The following TRPM3 variants were observed in gnomAD, a reference collection of about 807,000 sequenced individuals.
TRPM3 encodes the protein long transient receptor potential channel 3.
Under a neutral mutation model 181.2 loss-of-function variants are expected in TRPM3, and 77 were observed. That is an observed-to-expected ratio of 0.42 (90% CI 0.35 to 0.51). The LOEUF is 0.51. Among genes scored for constraint, TRPM3 ranks in the 20% least tolerant of loss-of-function variants. The probability of loss-of-function intolerance (pLI) is 0.01; values close to 1 mark genes in which losing one functional copy is unlikely to be tolerated. For missense variants in TRPM3, 1,759 were observed against 2,196.7 expected (o/e 0.80, Z 3.98); for synonymous variants, 745 against 796.4 (o/e 0.94, Z 1.09).
At chr9:71,191,344 C>T (rs1436738703) in intron 1 of TRPM3, among the ~76,000 whole-genome samples, 1 of 151,802 alleles carries the variant, frequency 6.6e-6, no homozygotes, top group African/African-American at 2.4e-5. Flanking sequence ...AAGACAAACG[C>T]TGCCCACCCT....
chr9:70,772,183 A>T (rs185847642), intron 7 of TRPM3, among the ~76,000 whole-genome samples: 21 of 152,230 alleles, frequency 1.4e-4, no homozygotes, highest in Admixed American at 1.2e-3. Flanking sequence ...GCTGTTACTC[A>T]CATGTGGCTA....
At chr9:71,174,986 CCA>C (rs1176908599) in intron 1 of TRPM3, among the ~76,000 whole-genome samples, 1 of 152,014 alleles carries the variant, frequency 6.6e-6, no homozygotes, top group Non-Finnish European at 1.5e-5. Context: ...GAGGGCCTTC[CCA>C]CAGTTATAAG....
intron 12 of TRPM3, among the ~76,000 whole-genome samples, chr9:70,629,492 T>C (rs2065400706): frequency 6.6e-6 from 1 of 152,068 alleles, no homozygotes. Context: ...TGTGCCATCA[T>C]GCCAGCTAAT....
At chr9:70,840,288 G>A (rs538214404) in intron 5 of TRPM3, among the ~76,000 whole-genome samples, 30 of 152,060 alleles carry the variant, frequency 2.0e-4, no homozygotes, top group Non-Finnish European at 3.5e-4. Flanking sequence ...GTAACAGAGT[G>A]GTCAAAATTC....
chr9:70,834,543 T>C (rs1001976023), intron 5 of TRPM3, among the ~76,000 whole-genome samples: 2 of 152,192 alleles, frequency 1.3e-5, no homozygotes, highest in African/African-American at 4.8e-5. Context: ...TTCTAAGGGA[T>C]AGAATAAAAC....
chr9:71,094,209 A>AT (rs2066723421), intron 1 of TRPM3, among the ~76,000 whole-genome samples: 1 of 152,114 alleles, frequency 6.6e-6, no homozygotes, highest in Non-Finnish European at 1.5e-5. Flanking sequence ...GTATACCTGT[A>AT]TAACAAACCT....
rs573676029 is a variant in TRPM3, at chr9:71,053,802, G to A, written c.177+67376C>T. ...GGATGCAATGACTGAGATTTTTCTC[G>A]AAGTTACTCTAAAGGCTAGCAGCAT... On this transcript the variant is annotated intron_variant, in intron 1 of 25. Coordinates refer to ENST00000677713, the MANE Select transcript of TRPM3 (RefSeq NM_001366145.2). 1.2e-4 allele frequency among the ~76,000 whole-genome samples: 19 copies of A among 152,088 alleles called. No homozygotes were observed. In the South Asian group the frequency reaches 1.5e-3, roughly 12 times the overall value.
At chr9:70,919,804 T>C (rs1415668895) in intron 1 of TRPM3, among the ~76,000 whole-genome samples, 2 of 151,750 alleles carry the variant, frequency 1.3e-5, no homozygotes, top group Admixed American at 6.6e-5. Context: ...AAAAAAATCT[T>C]CCATCCCACC....
chr9:71,234,019 T>C (rs2081223399), intron 1 of TRPM3, among the ~76,000 whole-genome samples: 1 of 152,216 alleles, frequency 6.6e-6, no homozygotes, highest in Admixed American at 6.5e-5. Context: ...TATTTAACAA[T>C]CCCTATGGGC....
intron 22 of TRPM3, among the ~76,000 whole-genome samples, chr9:70,570,381 G>A (rs567179192): frequency 1.2e-4 from 17 of 143,454 alleles, no homozygotes; most frequent in South Asian, 1.2e-3. Flanking sequence ...CGATCTCAGC[G>A]GACTGCAACC....
chr9:70,922,276 A>G (rs1360277734), intron 1 of TRPM3, among the ~76,000 whole-genome samples: 3 of 152,118 alleles, frequency 2.0e-5, no homozygotes, highest in Admixed American at 6.5e-5. Flanking sequence ...ACTCTGAACA[A>G]TATCACCCCT....
At chr9:71,162,199 C>CAAA (rs35947110) in intron 1 of TRPM3, among the ~76,000 whole-genome samples, 137 of 72,530 alleles carry the variant, frequency 1.9e-3, no homozygotes, top group East Asian at 3.0e-3. Context: ...GACTCTGTCT[C>CAAA]AAAAAAAAAA....
intron 1 of TRPM3, among the ~76,000 whole-genome samples, chr9:71,250,550 T>C (rs1244315824): frequency 6.6e-6 from 1 of 152,200 alleles, no homozygotes; most frequent in Non-Finnish European, 1.5e-5. Context: ...TTGAAATCTA[T>C]GTACTGAGTA....
At chr9:71,121,006 G>A (rs2073527537) in intron 1 of TRPM3, among the ~76,000 whole-genome samples, 172 bp downstream of exon 1, 1 of 151,862 alleles carries the variant, frequency 6.6e-6, no homozygotes, top group South Asian at 2.1e-4. Flanking sequence ...GTGGGTGGGG[G>A]GCGTGGGGGG....
At chr9:70,792,661 C>CAG (rs9314786) in intron 6 of TRPM3, among the ~76,000 whole-genome samples, 71,077 of 146,760 alleles carry the variant, frequency 0.48, 16,851 homozygotes, top group East Asian at 0.57. Flanking sequence ...GACAGAAAGA[C>CAG]AGAGAGAGAG....
At chr9:71,330,688 T>C (rs2090044816) in intron 1 of TRPM3, among the ~76,000 whole-genome samples, 1 of 151,880 alleles carries the variant, frequency 6.6e-6, no homozygotes, top group Non-Finnish European at 1.5e-5. Context: ...TGTGAATTAG[T>C]GTTTAACACT....
At chr9:70,678,269 CTTTCT>C (rs1349451494) in intron 9 of TRPM3, among the ~76,000 whole-genome samples, 2 of 152,048 alleles carry the variant, frequency 1.3e-5, no homozygotes, top group Non-Finnish European at 2.9e-5. Context: ...TCTTCTTTTT[CTTTCT>C]TTTCTTTTTT....
intron 1 of TRPM3, among the ~76,000 whole-genome samples, chr9:70,943,867 T>C (rs2096908428): frequency 6.6e-6 from 1 of 152,102 alleles, no homozygotes; most frequent in Non-Finnish European, 1.5e-5. Context: ...GCAATCTCCG[T>C]CTCCCAGGTT....
chr9:71,328,312 T>C (rs1337850834), intron 1 of TRPM3, among the ~76,000 whole-genome samples: 3 of 152,062 alleles, frequency 2.0e-5, no homozygotes, highest in South Asian at 2.1e-4. Context: ...TACAGGCGCC[T>C]GCCACCACGC....
Sources: gnomAD v4.1 joint callset for allele counts (sites outside exome capture counted in the v4.1 genomes callset) on GRCh38, gnomAD v4.1.1 for gene constraint, MANE v1.5 for transcripts, NCBI Gene and HGNC (gene_info 2026-07-23, HGNC 2026-07-21) for gene names.